The following MED12L variants were observed in gnomAD, a reference collection of about 807,000 sequenced individuals.
The protein encoded by MED12L is mediator complex subunit 12L, also known as mediator of RNA polymerase II transcription subunit 12-like protein.
A neutral mutation model predicts 281.3 loss-of-function variants in MED12L; 60 were observed. The observed-to-expected ratio is 0.21, with a 90% confidence interval of 0.17 to 0.26. The LOEUF (loss-of-function observed/expected upper bound fraction) is 0.26, where lower values mean the gene tolerates loss of function less well. Ranked by LOEUF, MED12L falls within the 10% of genes least tolerant of loss-of-function variation. The probability of loss-of-function intolerance (pLI) is 1.00; values close to 1 mark genes in which losing one functional copy is unlikely to be tolerated. For synonymous variants in MED12L, 974 were observed against 987.2 expected, an observed-to-expected ratio of 0.99 and a Z score of 0.25; for missense variants, 2,146 against 2,680.9, an observed-to-expected ratio of 0.80 and a Z score of 4.41.
intron 16 of MED12L, among the ~76,000 whole-genome samples, chr3:151,194,246 C>T (rs1014260069): frequency 2.6e-5 from 4 of 152,106 alleles, no homozygotes; most frequent in Non-Finnish European, 2.9e-5. Flanking sequence ...GGATTACAGG[C>T]GTGAGCCACC....
rs376814368 is a variant in MED12L at position 151,372,558 on chromosome 3, A to G, written c.3665-9A>G. 2.4e-5 allele frequency: 38 copies of G among 1,611,200 alleles called. No individual in the cohort carries two copies. In the Admixed American group the frequency reaches 3.0e-4, roughly 13 times the overall value. On this transcript the variant is annotated splice_polypyrimidine_tract_variant and intron_variant, in intron 26 of 44. Coordinates refer to ENST00000687756, the MANE Select transcript of MED12L (RefSeq NM_001393769.1). ...TCTGTGATTTTGCTTTTGTGATTCT[A>G]TTACTTAGGAGATGCCAAAATTGGC...
chr3:151,332,739 T>A (rs1340595167), intron 16 of MED12L, among the ~76,000 whole-genome samples: 4 of 70,548 alleles, frequency 5.7e-5, no homozygotes. Flanking sequence ...ACTGACGTGA[T>A]TTTTTTTTTA....
chr3:151,366,279 C>T (rs1416716960), intron 23 of MED12L, among the ~76,000 whole-genome samples: 3 of 152,170 alleles, frequency 2.0e-5, no homozygotes, highest in African/African-American at 4.8e-5. Context: ...TATGGATGGT[C>T]TCTTCAGAGC....
At chr3:151,326,228 T>A (rs1021742733) in intron 16 of MED12L, 1 of 152,568 alleles carries the variant, frequency 6.6e-6, no homozygotes, top group African/African-American at 2.4e-5. Context: ...TTCAAGAAAT[T>A]TATGTTGTCT....
chr3:151,218,594 C>T (rs1194755492), intron 16 of MED12L, among the ~76,000 whole-genome samples: 1 of 151,988 alleles, frequency 6.6e-6, no homozygotes, highest in Non-Finnish European at 1.5e-5. Flanking sequence ...TGTGGCCGGG[C>T]ACGGTGGCTC....
intron 16 of MED12L, among the ~76,000 whole-genome samples, chr3:151,217,016 G>A (rs1275307917): frequency 2.0e-5 from 3 of 152,078 alleles, no homozygotes; most frequent in Non-Finnish European, 4.4e-5. Flanking sequence ...TCATACTCAT[G>A]GTAGGTACTG....
At chr3:151,166,502 AAG>A (rs1491244152) in intron 11 of MED12L, among the ~76,000 whole-genome samples, 3 of 151,546 alleles carry the variant, frequency 2.0e-5, no homozygotes, top group Non-Finnish European at 2.9e-5. Context: ...TAGAGAGAGA[AAG>A]GGGGGGAGAA....
chr3:151,282,211 C>A (rs1742908764), intron 16 of MED12L, among the ~76,000 whole-genome samples: 1 of 152,102 alleles, frequency 6.6e-6, no homozygotes, highest in African/African-American at 2.4e-5. Flanking sequence ...CCTGTATAGA[C>A]CTTATTCTTT....
intron 38 of MED12L, among the ~76,000 whole-genome samples, chr3:151,393,519 C>G (rs1714569295): frequency 6.6e-6 from 1 of 150,794 alleles, no homozygotes; most frequent in South Asian, 2.1e-4. Context: ...CCCCCTCCCA[C>G]CGTAAAGATA....
intron 11 of MED12L, among the ~76,000 whole-genome samples, chr3:151,177,266 G>T (rs2149036226): frequency 6.6e-6 from 1 of 152,328 alleles, no homozygotes; most frequent in East Asian, 1.9e-4. Context: ...AGACTTACAT[G>T]TAACGGTGAT....
intron 26 of MED12L, 65 bp from the exon 27 acceptor site, chr3:151,372,502 G>A: frequency 8.7e-7 from 1 of 1,155,404 alleles, no homozygotes; most frequent in South Asian, 1.2e-5. Flanking sequence ...ATCCTCATTT[G>A]CTCCTCAATT....
chr3:151,351,183 C>T (rs913035158), intron 17 of MED12L, among the ~76,000 whole-genome samples: 2 of 152,082 alleles, frequency 1.3e-5, no homozygotes, highest in African/African-American at 4.8e-5. Flanking sequence ...TAGAATTTGT[C>T]CACCCTAGAT....
At chr3:151,327,060 C>A (rs987883094) in intron 16 of MED12L, 7 of 152,128 alleles carry the variant, frequency 4.6e-5, no homozygotes, top group Admixed American at 1.3e-4. Context: ...ATGGGAGATA[C>A]CAAGAAAATC....
At chr3:151,239,979 TTATC>T (rs1233999072) in intron 16 of MED12L, among the ~76,000 whole-genome samples, 1 of 152,062 alleles carries the variant, frequency 6.6e-6, no homozygotes, top group Non-Finnish European at 1.5e-5. Flanking sequence ...TTAAGGTTGT[TTATC>T]TACCCACCAG....
At chr3:151,232,097 A>T (rs141132559) in intron 16 of MED12L, among the ~76,000 whole-genome samples, 2 of 151,932 alleles carry the variant, frequency 1.3e-5, no homozygotes, top group Non-Finnish European at 1.5e-5. Context: ...TGTCTCTGCT[A>T]TTTTTCTTAC....
intron 11 of MED12L, among the ~76,000 whole-genome samples, chr3:151,179,871 A>G (rs1722508226): frequency 6.6e-6 from 1 of 152,240 alleles, no homozygotes. Flanking sequence ...AGAAGTTAGT[A>G]TAAGTCATTG....
At position 151,190,856 on chromosome 3, in the gene MED12L, C is replaced by T. The variant is rs770302918; in HGVS notation, c.1893C>T (p.Ala631=). The part of the protein sequence containing the change: ...LISRGDLSVT[A]STRPRSPVGE... ...CTCGAGGAGATTTGTCAGTCACTGCCTCAACTCGGCCGCGGTCACCAGTAG... is the reference window on the plus strand; with the variant it reads ...CTCGAGGAGATTTGTCAGTCACTGCTTCAACTCGGCCGCGGTCACCAGTAG... The change falls in exon 14 of 45, where the codon GCC becomes GCT. Residue 631 remains alanine, a synonymous_variant. Transcript: ENST00000687756. The T allele has an allele frequency of 6.2e-7, 1 of 1,614,152 alleles. No individual in the cohort carries two copies. The highest frequency in any genetic ancestry group is 1.1e-5 in the South Asian group (1 of 91,080).
At chr3:151,300,156 G>A (rs759929127) in intron 16 of MED12L, 17 of 1,247,678 alleles carry the variant, frequency 1.4e-5, no homozygotes, top group Non-Finnish European at 1.9e-5. Flanking sequence ...ACTTGGGGAC[G>A]ATTGAGGCGT....
intron 39 of MED12L, 58 bp downstream of exon 39, chr3:151,394,925 G>T: frequency 6.2e-7 from 1 of 1,606,784 alleles, no homozygotes; most frequent in South Asian, 1.1e-5. Context: ...GCTAGCTTGG[G>T]ATAAGTTTGG....
Sources: gnomAD v4.1 joint callset for allele counts (sites outside exome capture counted in the v4.1 genomes callset) on GRCh38, gnomAD v4.1.1 for gene constraint, MANE v1.5 for transcripts, NCBI Gene and HGNC (gene_info 2026-07-23, HGNC 2026-07-21) for gene names.